The following RAD18 variants were observed in gnomAD, a reference collection of about 807,000 sequenced individuals.
RAD18 encodes the protein RAD18 E3 ubiquitin protein ligase.
Under a neutral mutation model 60.4 loss-of-function variants are expected in RAD18, and 47 were observed. That is an observed-to-expected ratio of 0.78 (90% CI 0.62 to 0.99). The LOEUF (loss-of-function observed/expected upper bound fraction) is 0.99, where lower values mean the gene tolerates loss of function less well. Ranked by LOEUF, RAD18 falls within the 50% of genes least tolerant of loss-of-function variation. RAD18 has a pLI of 0.00. For synonymous variants in RAD18, 225 were observed against 195.5 expected (o/e 1.15, Z -1.26); for missense variants, 640 against 593.3 (o/e 1.08, Z -0.82).
rs73810710 is a variant in RAD18 at position 8,878,779 on chromosome 3, C to T, written c.*2578G>A. ...AAGTGCATCCAGCAGCTCACCTGCA[C>T]CCCCACAAACCATAAGCATCACTGC... is the stretch of plus-strand genomic sequence containing the variant. On this transcript the variant is annotated 3_prime_UTR_variant, in exon 13 of 13. Coordinates refer to ENST00000264926, the MANE Select transcript of RAD18 (RefSeq NM_020165.4). 6.6e-6 allele frequency: 1 copy of T among 152,216 alleles called. No homozygotes were observed. Among genetic ancestry groups the T allele is most frequent in the Non-Finnish European group, 1.5e-5 (1 of 68,046 alleles). The allele number at this position is 152,216 out of a possible 1,614,324, so 9.4% of individuals were successfully genotyped here.
intron 7 of RAD18, among the ~76,000 whole-genome samples, chr3:8,922,163 G>T (rs978415448): frequency 6.6e-6 from 1 of 152,216 alleles, no homozygotes; most frequent in Non-Finnish European, 1.5e-5. Flanking sequence ...GGAAGCACAA[G>T]GGGTCAGGGA....
At chr3:8,930,081 A>G (rs976270427) in intron 7 of RAD18, among the ~76,000 whole-genome samples, 8 of 152,252 alleles carry the variant, frequency 5.3e-5, no homozygotes, top group Non-Finnish European at 5.9e-5. Flanking sequence ...GTAAAGACAC[A>G]ATAGAAATGA....
chr3:8,902,347 G>T (rs113222940), intron 10 of RAD18, 33 bp downstream of exon 10: 1 of 1,441,928 alleles, frequency 6.9e-7, no homozygotes, highest in South Asian at 1.5e-5. Context: ...AATGAAATTC[G>T]ACATATGTCT....
chr3:8,934,640 A>G (rs1429385431), intron 7 of RAD18, among the ~76,000 whole-genome samples: 1 of 152,254 alleles, frequency 6.6e-6, no homozygotes, highest in African/African-American at 2.4e-5. Flanking sequence ...ATGAAAGTGT[A>G]CATGACTACT....
chr3:8,959,863 C>T (rs1379793556), intron 1 of RAD18, among the ~76,000 whole-genome samples: 1 of 146,830 alleles, frequency 6.8e-6, no homozygotes, highest in East Asian at 2.0e-4. Flanking sequence ...GCCTGCATGA[C>T]CGAGTGAAAC....
intron 11 of RAD18, among the ~76,000 whole-genome samples, chr3:8,897,884 G>T (rs145481886): frequency 1.3e-5 from 2 of 151,942 alleles, no homozygotes; most frequent in African/African-American, 2.4e-5. Flanking sequence ...TGGCCAACAC[G>T]GTGAAACCCT....
intron 7 of RAD18, among the ~76,000 whole-genome samples, chr3:8,932,796 C>T (rs1344055465): frequency 6.6e-6 from 1 of 152,034 alleles, no homozygotes; most frequent in Non-Finnish European, 1.5e-5. Context: ...CACTGCTTGG[C>T]AATAAAAAAT....
intron 7 of RAD18, among the ~76,000 whole-genome samples, chr3:8,925,827 T>G (rs555573293): frequency 6.6e-6 from 1 of 152,160 alleles, no homozygotes; most frequent in African/African-American, 2.4e-5. Flanking sequence ...ATTATCTCAA[T>G]AGATGCAGAA....
At chr3:8,925,729 C>T (rs1483703590) in intron 7 of RAD18, among the ~76,000 whole-genome samples, 2 of 152,192 alleles carry the variant, frequency 1.3e-5, no homozygotes, top group Admixed American at 6.5e-5. Flanking sequence ...AAGTGGGCTT[C>T]ATCCCTGGGA....
chr3:8,923,099 G>C (rs1392032624), intron 7 of RAD18, among the ~76,000 whole-genome samples: 1 of 152,166 alleles, frequency 6.6e-6, no homozygotes, highest in Admixed American at 6.5e-5. Context: ...GAACGCTTCA[G>C]ATGATCAAAC....
At chr3:8,925,734 C>T (rs1940421509) in intron 7 of RAD18, among the ~76,000 whole-genome samples, 4 of 152,190 alleles carry the variant, frequency 2.6e-5, no homozygotes, top group South Asian at 2.1e-4. Flanking sequence ...GGCTTCATCC[C>T]TGGGATGCAA....
intron 12 of RAD18, among the ~76,000 whole-genome samples, chr3:8,886,614 G>A (rs928356979): frequency 1.3e-5 from 2 of 152,234 alleles, no homozygotes; most frequent in African/African-American, 4.8e-5. Flanking sequence ...ACAGTGCTAG[G>A]TGCTAGGGAT....
chr3:8,908,385 C>G (rs1420267355), intron 9 of RAD18, among the ~76,000 whole-genome samples: 1 of 151,850 alleles, frequency 6.6e-6, no homozygotes, highest in Non-Finnish European at 1.5e-5. Flanking sequence ...GAGCCCTAAT[C>G]CAATATGACT....
chr3:8,890,410 T>C lies in RAD18; in HGVS notation c.1364A>G (p.Glu455Gly). The C allele has an allele frequency of 6.3e-7, 1 of 1,595,096 alleles. No individual in the cohort carries two copies. The highest frequency in any genetic ancestry group is 8.6e-7 in the Non-Finnish European group (1 of 1,162,836). The change falls in exon 12 of 13, where the codon GAA (glutamate) becomes GGA (glycine). Residue 455 changes from glutamate to glycine, a missense_variant. By Grantham distance (98) the Glu-to-Gly change is moderately conservative. Coordinates refer to ENST00000264926, the MANE Select transcript of RAD18 (RefSeq NM_020165.4). ...TCACTTATGTGATGCTTCCCAGGCTTCCTCTTCTTCTAAAAGATCTCTTAT... is the reference window on the plus strand; with the variant it reads ...TCACTTATGTGATGCTTCCCAGGCTCCCTCTTCTTCTAAAAGATCTCTTAT... ...DIIRDLLEEE[E>G]AWEASHKNDL...
chr3:8,941,380 T>C (rs1344169579), intron 5 of RAD18, 87 bp downstream of exon 5: 3 of 1,190,028 alleles, frequency 2.5e-6, no homozygotes, highest in Non-Finnish European at 3.5e-6. Context: ...TTACCATTCC[T>C]TCCCCCTCAA....
At position 8,913,682 on chromosome 3, in the gene RAD18, T is replaced by A; in HGVS notation, c.928A>T (p.Thr310Ser). 1.3e-6 allele frequency: 2 copies of A among 1,580,702 alleles called. No individual in the cohort carries two copies. Among genetic ancestry groups the A allele is most frequent in the Non-Finnish European group, 1.7e-6 (2 of 1,161,372 alleles). Residue 310 changes from threonine (T) to serine (S), a missense_variant, in exon 8 of 13, where the codon ACT becomes TCT. Coordinates refer to ENST00000264926, the MANE Select transcript of RAD18 (RefSeq NM_020165.4). Reference sequence around the variant, plus strand: ...TTACTAGCTTCAAGACGCATCCTAGTCTTCTCTATATTTTCGATTTCTCGA... The same window carrying A: ...TTACTAGCTTCAAGACGCATCCTAGACTTCTCTATATTTTCGATTTCTCGA... ...IVREIENIEK[T>S]RMRLEASKLN... is the part of the protein sequence containing the mutation.
At chr3:8,905,285 C>G (rs1249010140) in intron 9 of RAD18, among the ~76,000 whole-genome samples, 1 of 152,142 alleles carries the variant, frequency 6.6e-6, no homozygotes, top group Non-Finnish European at 1.5e-5. Flanking sequence ...ATCCTTTGTG[C>G]CTCTCTAAGT....
intron 9 of RAD18, among the ~76,000 whole-genome samples, chr3:8,909,197 A>G (rs1335663211): frequency 6.6e-6 from 1 of 152,204 alleles, no homozygotes; most frequent in Non-Finnish European, 1.5e-5. Flanking sequence ...ACAAGGAGTA[A>G]GGGGAGGAGA....
intron 9 of RAD18, among the ~76,000 whole-genome samples, chr3:8,905,888 A>G (rs1472340906): frequency 6.6e-6 from 1 of 152,206 alleles, no homozygotes; most frequent in Non-Finnish European, 1.5e-5. Flanking sequence ...AATCATTCTA[A>G]CAGAAACTCT....
Sources: allele counts gnomAD v4.1 joint callset (sites outside exome capture counted in the v4.1 genomes callset), GRCh38; gene constraint gnomAD v4.1.1; transcripts MANE v1.5; gene names NCBI Gene and HGNC (gene_info 2026-07-23, HGNC 2026-07-21).